Variants in NRXN1 observed in about 807,000 individuals in gnomAD.
NRXN1 encodes neurexin-1.
Under a neutral mutation model 150.9 loss-of-function variants are expected in NRXN1, and 39 were observed. The ratio of observed to expected loss-of-function variants is 0.26; its 90% CI spans 0.20 to 0.34. The LOEUF is 0.34. Among genes scored for constraint, NRXN1 ranks in the 10% least tolerant of loss-of-function variants. NRXN1 has a pLI of 1.00. For synonymous variants in NRXN1, 924 were observed against 757.0 expected, an observed-to-expected ratio of 1.22 and a Z score of -3.62; for missense variants, 1,815 against 1,949.9, an observed-to-expected ratio of 0.93 and a Z score of 1.30.
At chr2:50,956,723 TATA>T (rs902039170) in intron 2 of NRXN1, among the ~76,000 whole-genome samples, 1 of 151,170 alleles carries the variant, frequency 6.6e-6, no homozygotes. Flanking sequence ...TCAAAAAATA[TATA>T]ATAATAATAA....
chr2:50,709,274 G>A (rs751071929), intron 5 of NRXN1, among the ~76,000 whole-genome samples: 6 of 152,136 alleles, frequency 3.9e-5, no homozygotes, highest in East Asian at 1.9e-4. Flanking sequence ...GATGAAACCC[G>A]GAACCATACA....
chr2:50,617,914 G>A (rs570898739), intron 8 of NRXN1, among the ~76,000 whole-genome samples: 1 of 152,198 alleles, frequency 6.6e-6, no homozygotes, highest in East Asian at 1.9e-4. Context: ...TACACACACA[G>A]AAAAAAACTG....
rs533834134 is a variant in NRXN1, at chr2:50,554,088, C to CTATA, written c.1321-1067_1321-1064dup. ...GTCTAGGCTCTTTCAAGAAGGGACT[C>CTATA]TATAGATTTCAAAGCTCCCAACATT... On this transcript the variant is annotated intron_variant, in intron 8 of 22. Transcript: ENST00000401669. 1.4e-3 allele frequency among the ~76,000 whole-genome samples: 212 copies of CTATA among 152,162 alleles called. 6 individuals are homozygous for CTATA. The South Asian group carries it at 0.042, about 30-fold the overall frequency.
Position 50,329,657 on chromosome 2 carries a change from ATATATATATATATATATTTTT to A in NRXN1, c.3365-92708_3365-92688del, listed in dbSNP as rs2076684645. ...TATATATATATATATATATATATAT[ATATATATATATATATATTTTT>A]TTTTTTCCCCCCCGAGACGGAGTCT... On this transcript the variant is annotated intron_variant, in intron 17 of 22. Transcript: ENST00000401669. 1.1e-4 allele frequency among the ~76,000 whole-genome samples: 2 copies of A among 17,424 alleles called. 1 individual carries two copies. The highest frequency in any genetic ancestry group is 5.7e-4 in the African/African-American group (2 of 3,538). The allele number at this position is 17,424 out of a possible 152,430, so 11.4% of individuals were successfully genotyped here.
chr2:50,200,235 G>C (rs2062061380), intron 18 of NRXN1, among the ~76,000 whole-genome samples: 1 of 152,052 alleles, frequency 6.6e-6, no homozygotes, highest in African/African-American at 2.4e-5. Flanking sequence ...CTGCCTACTA[G>C]ACTTATTTCT....
chr2:50,409,712 G>A (rs2083008241), intron 17 of NRXN1, among the ~76,000 whole-genome samples: 1 of 152,164 alleles, frequency 6.6e-6, no homozygotes, highest in South Asian at 2.1e-4. Context: ...TTTCCCAGAT[G>A]ATGAAATTTC....
chr2:50,423,206 G>T (rs559282026), intron 17 of NRXN1, among the ~76,000 whole-genome samples: 3 of 152,160 alleles, frequency 2.0e-5, no homozygotes, highest in African/African-American at 7.2e-5. Context: ...CAAACCTGTG[G>T]TTCTTTCATC....
At chr2:50,828,557 C>T (rs1670879362) in intron 5 of NRXN1, among the ~76,000 whole-genome samples, 2 of 150,130 alleles carry the variant, frequency 1.3e-5, no homozygotes, top group South Asian at 2.1e-4. Context: ...GACGGGGTCG[C>T]GGCCGGGCAG....
intron 21 of NRXN1, among the ~76,000 whole-genome samples, chr2:49,992,861 T>C (rs529342732): frequency 1.3e-5 from 2 of 152,122 alleles, no homozygotes; most frequent in Non-Finnish European, 2.9e-5. Context: ...CAGTAAGATA[T>C]CATTACACGC....
chr2:50,914,016 C>G (rs1282745335), intron 5 of NRXN1, among the ~76,000 whole-genome samples: 1 of 151,744 alleles, frequency 6.6e-6, no homozygotes, highest in African/African-American at 2.4e-5. Context: ...AGCTCTCACT[C>G]TCTTTTCGAA....
chr2:50,179,231 T>C (rs1251308320), intron 18 of NRXN1, among the ~76,000 whole-genome samples: 1 of 152,106 alleles, frequency 6.6e-6, no homozygotes, highest in Non-Finnish European at 1.5e-5. Flanking sequence ...AGGGAGACGG[T>C]AGTAGATATG....
At chr2:50,858,540 T>A (rs764172914) in intron 5 of NRXN1, among the ~76,000 whole-genome samples, 1 of 151,814 alleles carries the variant, frequency 6.6e-6, no homozygotes, top group Non-Finnish European at 1.5e-5. Context: ...AATAAAGAAG[T>A]CTTGAAGAAA....
chr2:50,999,397 G>T (rs1575172891), intron 2 of NRXN1, among the ~76,000 whole-genome samples: 2 of 152,108 alleles, frequency 1.3e-5, no homozygotes, highest in South Asian at 2.1e-4. Flanking sequence ...CAGGAATGAA[G>T]GTGTTTATAT....
chr2:50,897,375 G>T (rs968795279), intron 5 of NRXN1, among the ~76,000 whole-genome samples: 3 of 152,092 alleles, frequency 2.0e-5, no homozygotes, highest in African/African-American at 7.2e-5. Context: ...GTGATACCAG[G>T]ACCATTCTAA....
chr2:50,523,874 T>C (rs886283078), intron 12 of NRXN1, among the ~76,000 whole-genome samples: 4 of 152,208 alleles, frequency 2.6e-5, no homozygotes, highest in African/African-American at 9.6e-5. Context: ...TAATGTTATA[T>C]GTAATTGTGT....
At chr2:50,349,509 T>A (rs538811738) in intron 17 of NRXN1, among the ~76,000 whole-genome samples, 1 of 152,234 alleles carries the variant, frequency 6.6e-6, no homozygotes, top group South Asian at 2.1e-4. Context: ...CATTTCATAG[T>A]GTTAGCATGG....
At chr2:51,019,152 T>C (rs1467567291) in intron 2 of NRXN1, among the ~76,000 whole-genome samples, 1 of 152,134 alleles carries the variant, frequency 6.6e-6, no homozygotes, top group Non-Finnish European at 1.5e-5. Context: ...AATATACAAG[T>C]TGTGTCATAC....
At chr2:50,941,023 G>A (rs1481493003) in intron 2 of NRXN1, among the ~76,000 whole-genome samples, 1 of 152,118 alleles carries the variant, frequency 6.6e-6, no homozygotes, top group African/African-American at 2.4e-5. Context: ...TTGAATCACA[G>A]GTGCAAACTT....
At chr2:50,446,659 C>G (rs2086440967) in intron 17 of NRXN1, among the ~76,000 whole-genome samples, 1 of 151,050 alleles carries the variant, frequency 6.6e-6, no homozygotes, top group Non-Finnish European at 1.5e-5. Flanking sequence ...CAATACTTAA[C>G]ATAATCCTAA....
Sources: gnomAD v4.1 joint callset for allele counts (sites outside exome capture counted in the v4.1 genomes callset) on GRCh38, gnomAD v4.1.1 for gene constraint, MANE v1.5 for transcripts, NCBI Gene and HGNC (gene_info 2026-07-23, HGNC 2026-07-21) for gene names.